Variants in ADK observed in about 807,000 individuals in gnomAD.
ADK encodes adenosine kinase, also known as N6,N6-dimethyladenosine kinase.
Under a neutral mutation model 44.7 loss-of-function variants are expected in ADK, and 24 were observed. The ratio of observed to expected loss-of-function variants is 0.54; its 90% CI spans 0.39 to 0.76. ADK has a LOEUF of 0.76. Among genes scored for constraint, ADK ranks in the 30% least tolerant of loss-of-function variants. The pLI is 0.00. For synonymous variants in ADK, 128 were observed against 142.6 expected (o/e 0.90, Z 0.73); for missense variants, 321 against 425.1 (o/e 0.76, Z 2.15).
At chr10:74,571,439 G>A (rs1198532849) in intron 7 of ADK, among the ~76,000 whole-genome samples, 1 of 152,110 alleles carries the variant, frequency 6.6e-6, no homozygotes, top group Non-Finnish European at 1.5e-5. Context: ...TGGTTGGTAA[G>A]CTATTGATTA....
At chr10:74,317,579 A>G (rs995169152) in intron 4 of ADK, among the ~76,000 whole-genome samples, 4 of 151,742 alleles carry the variant, frequency 2.6e-5, no homozygotes, top group African/African-American at 9.7e-5. Flanking sequence ...AAAAAAAAAA[A>G]AGAAATGGAA....
chr10:74,249,855 T>C (rs1317120184), intron 3 of ADK, among the ~76,000 whole-genome samples: 1 of 152,210 alleles, frequency 6.6e-6, no homozygotes, highest in African/African-American at 2.4e-5. Flanking sequence ...AACTAATATT[T>C]GTTAGTTTTA....
At chr10:74,251,894 C>CTT (rs566363104) in intron 3 of ADK, among the ~76,000 whole-genome samples, 5,772 of 99,384 alleles carry the variant, frequency 0.058, 588 homozygotes, top group African/African-American at 0.12. Flanking sequence ...GTGGCAGATA[C>CTT]TTTTTTTTTT....
chr10:74,589,417 C>G, intron 8 of ADK, 100 bp downstream of exon 8: 1 of 1,207,740 alleles, frequency 8.3e-7, no homozygotes, highest in Non-Finnish European at 1.2e-6. Context: ...ATTATACTCT[C>G]AGAGCCTCGC....
intron 3 of ADK, among the ~76,000 whole-genome samples, chr10:74,236,536 T>C (rs1012318146): frequency 4.6e-5 from 7 of 152,346 alleles, no homozygotes; most frequent in Middle Eastern, 6.8e-3. Context: ...TTTTTGTTTG[T>C]TGGCCTTGAC....
chr10:74,184,501 T>TTGTGTGTGTGTGTGTG, intron 1 of ADK, among the ~76,000 whole-genome samples: 1 of 138,508 alleles, frequency 7.2e-6, no homozygotes, highest in South Asian at 2.4e-4. Context: ...TGGCTATATT[T>TTGTGTGTGTGTGTGTG]TGTGTGTGTG....
chr10:74,207,552 C>G (rs767143941), intron 2 of ADK, among the ~76,000 whole-genome samples: 1 of 152,170 alleles, frequency 6.6e-6, no homozygotes, highest in Non-Finnish European at 1.5e-5. Context: ...GCAGGCAGGT[C>G]GTCCTGACAA....
chr10:74,500,242 A>G (rs1294806816), intron 6 of ADK, among the ~76,000 whole-genome samples: 1 of 152,172 alleles, frequency 6.6e-6, no homozygotes, highest in Non-Finnish European at 1.5e-5. Flanking sequence ...TGTTTCTGCA[A>G]TACAGTGTTC....
At chr10:74,541,732 G>T (rs984638105) in intron 7 of ADK, among the ~76,000 whole-genome samples, 1 of 144,358 alleles carries the variant, frequency 6.9e-6, no homozygotes, top group African/African-American at 2.6e-5. Context: ...GTTTGAGGCT[G>T]CATTGAGCCA....
chr10:74,344,592 C>T, intron 4 of ADK: 1 of 253,548 alleles, frequency 3.9e-6, no homozygotes, highest in Non-Finnish European at 8.4e-6. Flanking sequence ...CTTCATTCTG[C>T]TGAATATTAC....
chr10:74,185,397 A>G (rs1842709456), intron 1 of ADK, among the ~76,000 whole-genome samples: 1 of 152,210 alleles, frequency 6.6e-6, no homozygotes, highest in Non-Finnish European at 1.5e-5. Flanking sequence ...GACAGAAGGA[A>G]GAAATCAATG....
chr10:74,365,914 G>A (rs1171678051), intron 4 of ADK, among the ~76,000 whole-genome samples: 1 of 152,088 alleles, frequency 6.6e-6, no homozygotes, highest in Non-Finnish European at 1.5e-5. Context: ...ATCTAACTCA[G>A]TGGGTATAAA....
intron 9 of ADK, among the ~76,000 whole-genome samples, chr10:74,601,765 C>T (rs1014373657): frequency 6.6e-6 from 1 of 151,154 alleles, no homozygotes; most frequent in Non-Finnish European, 1.5e-5. Flanking sequence ...ACATTGATAT[C>T]CTTGCTAATC....
intron 1 of ADK, among the ~76,000 whole-genome samples, chr10:74,164,724 A>G (rs770719250): frequency 2.0e-4 from 31 of 152,162 alleles, no homozygotes; most frequent in Non-Finnish European, 2.5e-4. Context: ...TCTGGAGGAC[A>G]AGAATCTCTT....
At chr10:74,446,014 A>G (rs373000738) in intron 6 of ADK, among the ~76,000 whole-genome samples, 54 of 152,222 alleles carry the variant, frequency 3.5e-4, no homozygotes, top group African/African-American at 1.2e-3. Context: ...ATTTTATTAC[A>G]TTTAAATAGT....
chr10:74,203,045 G>A (rs142308367), intron 2 of ADK, among the ~76,000 whole-genome samples: 346 of 152,278 alleles, frequency 2.3e-3, no homozygotes, highest in African/African-American at 7.8e-3. Context: ...ACAAAGATTT[G>A]TGCCTGTGTT....
intron 2 of ADK, among the ~76,000 whole-genome samples, chr10:74,203,463 A>T (rs1843470693): frequency 6.6e-6 from 1 of 151,840 alleles, no homozygotes; most frequent in Non-Finnish European, 1.5e-5. Context: ...GGTTCAAGTG[A>T]TCCTTCTATT....
intron 4 of ADK, among the ~76,000 whole-genome samples, chr10:74,352,663 G>T (rs1161774990): frequency 6.6e-6 from 1 of 152,154 alleles, no homozygotes; most frequent in African/African-American, 2.4e-5. Flanking sequence ...GAAAATTTTT[G>T]CAATCTATCC....
intron 1 of ADK, among the ~76,000 whole-genome samples, chr10:74,190,645 G>C (rs765967232): frequency 6.6e-6 from 1 of 152,162 alleles, no homozygotes; most frequent in African/African-American, 2.4e-5. Context: ...TCTGAATCAG[G>C]TTAAATATTA....
Sources: gnomAD v4.1 joint callset for allele counts (sites outside exome capture counted in the v4.1 genomes callset) on GRCh38, gnomAD v4.1.1 for gene constraint, MANE v1.5 for transcripts, NCBI Gene and HGNC (gene_info 2026-07-23, HGNC 2026-07-21) for gene names.